IL34: variants seen among roughly 807,000 people sequenced by gnomAD.
IL34 encodes the protein interleukin 34, also known as interleukin-34.
IL34 carries 17 observed loss-of-function variants against 25.3 expected under a neutral mutation model. The ratio of observed to expected loss-of-function variants is 0.67; its 90% CI spans 0.46 to 1.01. The LOEUF is 1.01. IL34 is among the 50% of genes least tolerant of loss of function. The pLI is 0.00. For synonymous variants in IL34, 174 were observed against 140.9 expected, an observed-to-expected ratio of 1.23 and a Z score of -1.66; for missense variants, 368 against 312.9, an observed-to-expected ratio of 1.18 and a Z score of -1.33.
chr16:70,644,975 A>C (rs891853578), upstream of IL34, among the ~76,000 whole-genome samples: 2 of 122,868 alleles, frequency 1.6e-5, no homozygotes, highest in Non-Finnish European at 3.3e-5. Flanking sequence ...GGAGGAAGAG[A>C]AAGGGAGTAG....
At chr16:70,612,349 T>A (rs1321969832) in intron 1 of IL34, among the ~76,000 whole-genome samples, 2 of 150,556 alleles carry the variant, frequency 1.3e-5, no homozygotes, top group Admixed American at 6.6e-5. Context: ...GGGGATCTGC[T>A]GGTGAATGGT....
At chr16:70,596,350 C>A (rs1005213667) in intron 1 of IL34, among the ~76,000 whole-genome samples, 3 of 152,140 alleles carry the variant, frequency 2.0e-5, no homozygotes, top group African/African-American at 7.2e-5. Flanking sequence ...TTATTTATGC[C>A]AAGACTAAGA....
At chr16:70,658,353 T>C (rs1477858882) in intron 4 of IL34, among the ~76,000 whole-genome samples, 1 of 152,154 alleles carries the variant, frequency 6.6e-6, no homozygotes, top group African/African-American at 2.4e-5. Flanking sequence ...TTTATTGTTT[T>C]AGAGATGGGG....
upstream of IL34, among the ~76,000 whole-genome samples, chr16:70,645,805 G>C (rs1333175065): frequency 6.6e-6 from 1 of 152,182 alleles, no homozygotes; most frequent in Non-Finnish European, 1.5e-5. Flanking sequence ...TGTAATCCCA[G>C]CACTTTGGGA....
chr16:70,638,869 A>T (rs1202273915), intron 1 of IL34, among the ~76,000 whole-genome samples: 1 of 152,172 alleles, frequency 6.6e-6, no homozygotes, highest in Non-Finnish European at 1.5e-5. Context: ...GGTGTGTGCC[A>T]CCGCACCAGC....
intron 1 of IL34, among the ~76,000 whole-genome samples, chr16:70,636,517 C>G (rs778589236): frequency 2.0e-5 from 3 of 151,864 alleles, no homozygotes; most frequent in Non-Finnish European, 4.4e-5. Flanking sequence ...CTCATGCCTA[C>G]AATCCCAGCA....
chr16:70,581,925 CAA>C (rs2050639484), intron 1 of IL34, among the ~76,000 whole-genome samples: 2 of 117,516 alleles, frequency 1.7e-5, no homozygotes, highest in African/African-American at 6.2e-5. Flanking sequence ...TCTACAAAAA[CAA>C]AAAACAAAAA....
At chr16:70,604,456 A>G (rs576403053) in intron 1 of IL34, among the ~76,000 whole-genome samples, 2 of 152,204 alleles carry the variant, frequency 1.3e-5, no homozygotes, top group Non-Finnish European at 2.9e-5. Flanking sequence ...CTAGGTCCCA[A>G]GTCAGGAAGG....
intron 1 of IL34, among the ~76,000 whole-genome samples, chr16:70,592,171 A>C (rs1247689252): frequency 6.8e-6 from 1 of 147,628 alleles, no homozygotes; most frequent in Non-Finnish European, 1.5e-5. Context: ...GCCCCACTAA[A>C]GCCATACAAT....
intron 1 of IL34, among the ~76,000 whole-genome samples, chr16:70,615,581 C>T (rs768390410): frequency 2.0e-5 from 3 of 152,154 alleles, no homozygotes; most frequent in Non-Finnish European, 2.9e-5. Flanking sequence ...CAATCTTTCA[C>T]GCTTTAGTGT....
intron 1 of IL34, among the ~76,000 whole-genome samples, chr16:70,597,688 T>G (rs1017769357): frequency 5.3e-5 from 8 of 152,250 alleles, no homozygotes; most frequent in African/African-American, 1.9e-4. Context: ...TACATGATGA[T>G]GTACACTCTA....
chr16:70,588,208 G>C (rs773281108), intron 1 of IL34, among the ~76,000 whole-genome samples: 1 of 152,006 alleles, frequency 6.6e-6, no homozygotes, highest in Non-Finnish European at 1.5e-5. Context: ...AGTAGAGGCC[G>C]GGTGCGGTGG....
At chr16:70,626,646 T>G (rs908362453) in intron 1 of IL34, among the ~76,000 whole-genome samples, 2 of 152,204 alleles carry the variant, frequency 1.3e-5, no homozygotes, top group African/African-American at 4.8e-5. Context: ...TCTGCCCACC[T>G]CAGCCTCCCA....
rs562847753 is a variant in IL34 at position 70,604,189 on chromosome 16, G to A, written c.-401+24140G>A. On this transcript the variant is annotated intron_variant, in intron 1 of 6. Coordinates refer to the IL34 transcript ENST00000429149. ...GCAAAGCCTGTAAGCCAGGCCCTGG[G>A]AGGGGCAGGGATGTCCTCCACCAGC... Among the ~76,000 whole-genome samples the A allele has an allele frequency of 3.3e-5, 5 of 152,320 alleles. No homozygotes were observed. The South Asian group carries it at 1.0e-3, about 32-fold the overall frequency.
chr16:70,637,676 G>A (rs1293686683), intron 1 of IL34, among the ~76,000 whole-genome samples: 1 of 152,106 alleles, frequency 6.6e-6, no homozygotes, highest in Non-Finnish European at 1.5e-5. Context: ...ATGAGATAAG[G>A]GTTGAGTTTA....
At chr16:70,633,928 G>T (rs1241975875) in intron 1 of IL34, among the ~76,000 whole-genome samples, 1 of 151,708 alleles carries the variant, frequency 6.6e-6, no homozygotes, top group Non-Finnish European at 1.5e-5. Flanking sequence ...TTGGCTCACT[G>T]CAACCTCCGC....
At chr16:70,589,181 A>G (rs56109014) in intron 1 of IL34, among the ~76,000 whole-genome samples, 1 of 152,302 alleles carries the variant, frequency 6.6e-6, no homozygotes, top group Non-Finnish European at 1.5e-5. Context: ...TGGGGAACAT[A>G]GTGAGACTCT....
intron 1 of IL34, among the ~76,000 whole-genome samples, chr16:70,627,639 T>G (rs762533394): frequency 4.6e-5 from 7 of 151,906 alleles, no homozygotes; most frequent in Non-Finnish European, 8.8e-5. Context: ...TGGCTAATCT[T>G]TTTATTTTTT....
At chr16:70,583,304 G>A (rs1252680598) in intron 1 of IL34, among the ~76,000 whole-genome samples, 2 of 151,732 alleles carry the variant, frequency 1.3e-5, no homozygotes, top group African/African-American at 4.8e-5. Flanking sequence ...GTAGAGATGG[G>A]GCTTCTCCAT....
Sources: allele counts gnomAD v4.1 joint callset (sites outside exome capture counted in the v4.1 genomes callset), GRCh38; gene constraint gnomAD v4.1.1; transcripts MANE v1.5; gene names NCBI Gene and HGNC (gene_info 2026-07-23, HGNC 2026-07-21).